The following SOD2 variants were observed in gnomAD, a reference collection of about 807,000 sequenced individuals.
The protein encoded by SOD2 is superoxide dismutase 2.
In SOD2, 11 loss-of-function variants were observed where a neutral mutation model predicts 27.0. That is an observed-to-expected ratio of 0.41 (90% CI 0.26 to 0.67). The LOEUF is 0.67. SOD2 is among the 30% of genes least tolerant of loss of function. The pLI is 0.34. For missense variants in SOD2, 250 were observed against 274.5 expected (o/e 0.91, Z 0.63); for synonymous variants, 105 against 103.0 (o/e 1.02, Z -0.12).
Position 159,712,031 on chromosome 6 carries a change from GCTCAGACCTCCATAACCA to G in SOD2, c.-116+15080_-116+15097del, listed in dbSNP as rs1562438018. Among the ~76,000 whole-genome samples, 14 of 35,286 alleles carry G rather than the reference GCTCAGACCTCCATAACCA, an allele frequency of 4.0e-4. 3 individuals carry two copies. The highest frequency in any genetic ancestry group is 8.4e-4 in the Non-Finnish European group (14 of 16,640). The allele number at this position is 35,286 out of a possible 152,430, so 23.1% of individuals were successfully genotyped here. ...CACCTCCATAACCACCACTCACACT[GCTCAGACCTCCATAACCA>G]CCTCCATAACCACCACTCGGCTGCT... On this transcript the variant is annotated intron_variant, in intron 1 of 2. Coordinates refer to the SOD2 transcript ENST00000401980.
chr6:159,731,978 GAGTA>G (rs1778600693), upstream of SOD2, among the ~76,000 whole-genome samples: 1 of 152,128 alleles, frequency 6.6e-6, no homozygotes, highest in South Asian at 2.1e-4. Flanking sequence ...TTTAAGAAGA[GAGTA>G]AGCAAGTAAA....
At chr6:159,741,832 T>C in intron 1 of SOD2, 1 of 302,758 alleles carries the variant, frequency 3.3e-6, no homozygotes, top group South Asian at 3.6e-5. Flanking sequence ...TACAAAAAAA[T>C]GAGCCATGTG....
chr6:159,748,581 T>G, upstream of SOD2: 1 of 1,362,460 alleles, frequency 7.3e-7, no homozygotes, highest in Non-Finnish European at 9.4e-7. This position sits in a 1 kb window ranked among gnomAD's most constrained non-coding sequence, Gnocchi z 5.6. Flanking sequence ...CCCCTTCCCC[T>G]TGCTTCAGAG....
intron 1 of SOD2, among the ~76,000 whole-genome samples, chr6:159,698,860 C>A (rs1190943510): frequency 7.0e-6 from 1 of 143,456 alleles, no homozygotes; most frequent in Non-Finnish European, 1.5e-5. Context: ...AGAAGTGGAT[C>A]ATCATAAAGG....
chr6:159,693,062 C>T, intron 1 of SOD2, 83 bp downstream of exon 1: 2 of 1,499,570 alleles, frequency 1.3e-6, no homozygotes, highest in Non-Finnish European at 1.8e-6. Context: ...CCGGTGCGGC[C>T]ACTGTCGCCA....
chr6:159,747,413 C>T (rs532576633), upstream of SOD2, among the ~76,000 whole-genome samples: 10 of 152,202 alleles, frequency 6.6e-5, no homozygotes, highest in Admixed American at 6.5e-4. Context: ...TCAAAATAAG[C>T]AGTTTGGATT....
rs1441989942 is a variant in SOD2 at position 159,672,320 on chromosome 6, A to C, written c.*10173T>G. On this transcript the variant is annotated 3_prime_UTR_variant, in exon 5 of 5. Transcript: ENST00000538183. The stretch of plus-strand genomic sequence containing the variant: ...TTCACCAAAGTTGAAATGAAGGAAA[A>C]AATGTTAAGGGCAGCCAGAGAGAAA... 6.6e-6 allele frequency: 1 copy of C among 152,168 alleles called. No individual in the cohort carries two copies. Among genetic ancestry groups the C allele is most frequent in the Non-Finnish European group, 1.5e-5 (1 of 68,034 alleles). The allele number at this position is 152,168 out of a possible 1,614,324, so 9.4% of individuals were successfully genotyped here. A position where few individuals can be genotyped will look rare whatever the true frequency, so the allele number is the denominator to read the frequency against.
chr6:159,737,589 T>G (rs1778998743), intron 1 of SOD2, among the ~76,000 whole-genome samples: 1 of 152,074 alleles, frequency 6.6e-6, no homozygotes, highest in Non-Finnish European at 1.5e-5. Flanking sequence ...ATACCCCAGC[T>G]TATGCGATCC....
Position 159,683,388 on chromosome 6 carries a change from C to T in SOD2, c.524-750G>A, listed in dbSNP as rs138838569. ...TAATCCCAGCTACTCAGGAAGCTGA[C>T]GCAGGAGAATTGCTTGAACCTGGGA... On this transcript the variant is annotated intron_variant, in intron 4 of 4. Coordinates refer to ENST00000538183, the MANE Select transcript of SOD2 (RefSeq NM_000636.4). Among the ~76,000 whole-genome samples, 860 of 152,076 alleles carry T rather than the reference C, an allele frequency of 5.7e-3. 5 individuals are homozygous for T. The highest frequency in any genetic ancestry group is 0.02 in the African/African-American group (815 of 41,482).
intron 1 of SOD2, among the ~76,000 whole-genome samples, chr6:159,720,993 C>G (rs1347239846): frequency 6.7e-6 from 1 of 148,852 alleles, no homozygotes. Context: ...GGAGCTGGGA[C>G]TACAGGCACA....
chr6:159,685,862 T>C (rs1780165397), intron 3 of SOD2, among the ~76,000 whole-genome samples: 1 of 152,224 alleles, frequency 6.6e-6, no homozygotes, highest in Non-Finnish European at 1.5e-5. Flanking sequence ...TGAATCGTGT[T>C]AGAGGGATTT....
At position 159,721,047 on chromosome 6, in the gene SOD2, TTTAA is replaced by T. The variant is rs367714176; in HGVS notation, c.-116+6078_-116+6081del. On this transcript the variant is annotated intron_variant, in intron 1 of 2. Coordinates refer to the SOD2 transcript ENST00000401980. ...TTTTTTTTTTGTATTTTTATTTTTATTTAATTTTTATTTATTTATATTTTTTAAT... is the reference window on the plus strand; with the variant it reads ...TTTTTTTTTTGTATTTTTATTTTTATTTTTTATTTATTTATATTTTTTAAT... Among the ~76,000 whole-genome samples, 1,194 of 148,920 alleles carry T rather than the reference TTTAA, an allele frequency of 8.0e-3. 18 individuals carry two copies. Among genetic ancestry groups the T allele is most frequent in the African/African-American group, 0.027 (1,094 of 40,140 alleles).
intron 1 of SOD2, among the ~76,000 whole-genome samples, chr6:159,725,349 C>T (rs562646957): frequency 2.6e-5 from 4 of 152,012 alleles, no homozygotes; most frequent in Admixed American, 6.5e-5. Context: ...GGGATGGTGG[C>T]GCATGCCTGT....
chr6:159,682,703 A>G, intron 4 of SOD2, 65 bp from the exon 5 acceptor site: 1 of 1,481,524 alleles, frequency 6.7e-7, no homozygotes. Context: ...CATCTTCTCA[A>G]TTTCAACTTT....
At chr6:159,692,373 T>A (rs1777243926) in intron 2 of SOD2, 1 of 1,307,322 alleles carries the variant, frequency 7.6e-7, no homozygotes, top group African/African-American at 1.5e-5. Context: ...AATTCACCAG[T>A]GCTGGCAATA....
rs368214469 is a variant in SOD2 at position 159,688,116 on chromosome 6, A to G, written c.343+10T>C. On this transcript the variant is annotated intron_variant, in intron 3 of 4. Coordinates refer to ENST00000538183, the MANE Select transcript of SOD2 (RefSeq NM_000636.4). ...AAAATGTAGATAAGGGTGCACCAATATATACCAACCTTTGGGTTCTCCACC... is the reference window on the plus strand; with the variant it reads ...AAAATGTAGATAAGGGTGCACCAATGTATACCAACCTTTGGGTTCTCCACC... 3.6e-5 allele frequency: 53 copies of G among 1,465,396 alleles called. No individual in the cohort carries two copies. Among genetic ancestry groups the G allele is most frequent in the Middle Eastern group, 1.7e-4 (1 of 5,798 alleles). 90.8% of individuals were successfully genotyped at this position (1,465,396 alleles called of 1,614,324 possible). A position where few individuals can be genotyped will look rare whatever the true frequency, so the allele number is the denominator to read the frequency against.
At chr6:159,755,044 C>T (rs749863920) in intron 1 of SOD2, 9 of 1,612,286 alleles carry the variant, frequency 5.6e-6, no homozygotes, top group Admixed American at 3.3e-5. Flanking sequence ...ATGACTTCAT[C>T]ATCCAGCTTG....
At chr6:159,717,789 A>G (rs1777947982) in intron 1 of SOD2, among the ~76,000 whole-genome samples, 1 of 151,736 alleles carries the variant, frequency 6.6e-6, no homozygotes, top group Non-Finnish European at 1.5e-5. Flanking sequence ...TTTAGCTTTC[A>G]CCTATCAGTG....
intron 1 of SOD2, among the ~76,000 whole-genome samples, chr6:159,739,543 C>T (rs893346331): frequency 6.6e-6 from 1 of 152,124 alleles, no homozygotes; most frequent in Admixed American, 6.5e-5. Flanking sequence ...AGCAGATTGT[C>T]AAGTACAACG....
Sources: allele counts gnomAD v4.1 joint callset (sites outside exome capture counted in the v4.1 genomes callset), GRCh38; gene constraint gnomAD v4.1.1; non-coding constraint Gnocchi (gnomAD v3.1); transcripts MANE v1.5; gene names NCBI Gene and HGNC (gene_info 2026-07-23, HGNC 2026-07-21).